PKHD1: variants seen among roughly 807,000 people sequenced by gnomAD.
The protein encoded by PKHD1 is fibrocystin.
In PKHD1, 291 loss-of-function variants were observed where a neutral mutation model predicts 412.0. The ratio of observed to expected loss-of-function variants is 0.71; its 90% CI spans 0.64 to 0.78. The LOEUF (loss-of-function observed/expected upper bound fraction) is 0.78, where lower values mean the gene tolerates loss of function less well. Among genes scored for constraint, PKHD1 ranks in the 30% least tolerant of loss-of-function variants. The pLI is 0.00. For synonymous variants in PKHD1, 1,777 were observed against 1,821.5 expected (o/e 0.98, Z 0.62); for missense variants, 4,825 against 4,950.7 (o/e 0.97, Z 0.76).
intron 60 of PKHD1, among the ~76,000 whole-genome samples, chr6:51,666,870 G>A (rs1217392625): frequency 1.3e-5 from 2 of 152,026 alleles, no homozygotes; most frequent in Non-Finnish European, 2.9e-5. Flanking sequence ...CAAAGGACAT[G>A]AACTCATCAC....
At chr6:51,789,119 T>G (rs1177599217) in intron 53 of PKHD1, among the ~76,000 whole-genome samples, 1 of 152,162 alleles carries the variant, frequency 6.6e-6, no homozygotes, top group African/African-American at 2.4e-5. Context: ...AACAAAGTTG[T>G]GTTTAGAGGC....
At chr6:51,807,452 A>AT (rs1274808322) in intron 52 of PKHD1, among the ~76,000 whole-genome samples, 35 of 82,308 alleles carry the variant, frequency 4.3e-4, no homozygotes, top group African/African-American at 1.9e-3. Context: ...AAAAAAAAAA[A>AT]AAAAAAATAT....
intron 37 of PKHD1, among the ~76,000 whole-genome samples, chr6:51,915,062 G>A (rs1783560154): frequency 6.6e-6 from 1 of 152,004 alleles, no homozygotes; most frequent in Non-Finnish European, 1.5e-5. Context: ...GCTTTGTGTG[G>A]GGGAGGAAGT....
rs180797155 is a variant in PKHD1, at chr6:52,077,527, C to A, written c.391-1194G>T. ...GTTTTGTTTGGTCTGCTTCCAGCAC[C>A]TCAGGAGTCTACCTTCCCAGAGAGA... is the stretch of plus-strand genomic sequence containing the variant. On this transcript the variant is annotated intron_variant, in intron 5 of 66. Coordinates refer to ENST00000371117, the MANE Select transcript of PKHD1 (RefSeq NM_138694.4). Among the ~76,000 whole-genome samples the A allele has an allele frequency of 2.0e-4, 30 of 152,306 alleles. No individual in the cohort carries two copies. In the East Asian group the frequency reaches 5.6e-3, roughly 28 times the overall value.
intron 43 of PKHD1, among the ~76,000 whole-genome samples, chr6:51,891,829 G>A (rs565550742): frequency 3.9e-4 from 60 of 152,124 alleles, no homozygotes; most frequent in Non-Finnish European, 7.5e-4. Context: ...TCCCTGCCTT[G>A]TGTGACAGAA....
rs139885921 is a variant in PKHD1, at chr6:51,619,383, T to A, written c.11923A>T (p.Ile3975Phe). 2 of 1,613,786 alleles carry A rather than the reference T, an allele frequency of 1.2e-6. No individual in the cohort carries two copies. The highest frequency in any genetic ancestry group is 2.7e-5 in the African/African-American group (2 of 74,928). ...GCACAGATGTGCCCATGGGATGTGA[T>A]GCCAGTAGTACCAGGAGCAGGCACA... ...AAVPAPGTTGITSHGHICAPG... is the reference protein window; with the variant it reads ...AAVPAPGTTGFTSHGHICAPG... Residue 3975 changes from isoleucine to phenylalanine, a missense_variant, in exon 67 of 67, where the codon ATC becomes TTC. By Grantham distance (21) the Ile-to-Phe change is conservative. Transcript: ENST00000371117.
chr6:52,048,591 CCT>C lies in PKHD1; in HGVS notation c.2306_2307del (p.Glu769GlyfsTer29). Reference sequence around the variant, plus strand: ...GTCGTCACCAGGACCAGTCCAGATCCCTCTTCTGTTCCTTCAGTGGGCACAGA... The same window carrying C: ...GTCGTCACCAGGACCAGTCCAGATCCCTTCTGTTCCTTCAGTGGGCACAGA... ...ARSVPTEGTE[E>X]GSGLVLVTTQ... On this transcript the variant is annotated frameshift_variant, in exon 23 of 67. Transcript: ENST00000371117. LOFTEE classifies it high-confidence loss of function. 6.2e-7 allele frequency: 1 copy of C among 1,614,084 alleles called. No homozygotes were observed. The highest frequency in any genetic ancestry group is 8.5e-7 in the Non-Finnish European group (1 of 1,179,942).
chr6:51,670,200 C>T lies in PKHD1; in HGVS notation c.10157-10231G>A, dbSNP rs1043818758. On this transcript the variant is annotated intron_variant, in intron 60 of 66. Coordinates refer to ENST00000371117, the MANE Select transcript of PKHD1 (RefSeq NM_138694.4). ...GGAGTCTAAGTCTCTGTGTAGGTCA[C>T]TCAGGACTTGCTTTATGAATCTGGG... Among the ~76,000 whole-genome samples, 591 of 151,148 alleles carry T rather than the reference C, an allele frequency of 3.9e-3. 9 individuals carry two copies. The highest frequency in any genetic ancestry group is 0.014 in the African/African-American group (569 of 41,302).
At chr6:51,756,009 G>C (rs1349674000) in intron 55 of PKHD1, among the ~76,000 whole-genome samples, 1 of 151,968 alleles carries the variant, frequency 6.6e-6, no homozygotes, top group Non-Finnish European at 1.5e-5. Flanking sequence ...TAATACAGAT[G>C]TTTAATATAT....
chr6:51,961,212 C>G (rs1368510570), intron 35 of PKHD1, among the ~76,000 whole-genome samples: 2 of 152,062 alleles, frequency 1.3e-5, no homozygotes, highest in African/African-American at 4.8e-5. Context: ...GAGAATAGTG[C>G]TCTATAGTAT....
chr6:51,916,630 T>G (rs74982079), intron 37 of PKHD1, among the ~76,000 whole-genome samples: 2,689 of 152,238 alleles, frequency 0.018, 60 homozygotes, highest in African/African-American at 0.048. Flanking sequence ...GTTATTTAAA[T>G]GTCATACAAG....
chr6:51,863,757 GA>G, intron 48 of PKHD1, among the ~76,000 whole-genome samples: 1 of 152,274 alleles, frequency 6.6e-6, no homozygotes, highest in Non-Finnish European at 1.5e-5. Flanking sequence ...GTCTTCTGAA[GA>G]AAAGCCGAAT....
chr6:51,642,186 C>T (rs1769456170), intron 63 of PKHD1, among the ~76,000 whole-genome samples: 3 of 151,940 alleles, frequency 2.0e-5, no homozygotes, highest in Admixed American at 1.3e-4. Flanking sequence ...AGATGAGGTG[C>T]AATAAGTGTC....
intron 38 of PKHD1, 39 bp from the exon 39 acceptor site, chr6:51,911,995 C>T (rs746777366): frequency 4.7e-6 from 7 of 1,499,998 alleles, no homozygotes; most frequent in Non-Finnish European, 3.7e-6. Context: ...GAGGACATCA[C>T]TCCAAATCTT....
At chr6:52,063,345 T>C (rs1218804706) in intron 13 of PKHD1, among the ~76,000 whole-genome samples, 1 of 152,204 alleles carries the variant, frequency 6.6e-6, no homozygotes, top group Non-Finnish European at 1.5e-5. Context: ...TTCCTTGATG[T>C]CCTTGCATCT....
At chr6:51,990,778 TTG>T (rs1009567093) in intron 35 of PKHD1, among the ~76,000 whole-genome samples, 4 of 152,164 alleles carry the variant, frequency 2.6e-5, no homozygotes, top group Admixed American at 6.5e-5. Flanking sequence ...GCTTTTTTTT[TTG>T]TAACTTATTC....
chr6:51,670,057 C>T (rs1067568), intron 60 of PKHD1, among the ~76,000 whole-genome samples: 68,484 of 141,930 alleles, frequency 0.48, 19,268 homozygotes, highest in Non-Finnish European at 0.65. Context: ...TAGATGTCTA[C>T]TAGGTCTGCT....
At chr6:51,932,730 G>A (rs1423717269) in intron 37 of PKHD1, among the ~76,000 whole-genome samples, 4 of 152,212 alleles carry the variant, frequency 2.6e-5, no homozygotes, top group Admixed American at 2.6e-4. Flanking sequence ...TTTCTATCCA[G>A]TGAGTTATGG....
chr6:51,919,607 T>C (rs1362677759), intron 37 of PKHD1, among the ~76,000 whole-genome samples: 1 of 152,244 alleles, frequency 6.6e-6, no homozygotes. Flanking sequence ...GTCTTGGAAA[T>C]GCAGGCTCTT....
Sources: allele counts gnomAD v4.1 joint callset (sites outside exome capture counted in the v4.1 genomes callset), GRCh38; gene constraint gnomAD v4.1.1; transcripts MANE v1.5; gene names NCBI Gene and HGNC (gene_info 2026-07-23, HGNC 2026-07-21).